Variants in FOXP2 observed in about 807,000 individuals in gnomAD.
The protein encoded by FOXP2 is forkhead box P2.
A neutral mutation model predicts 115.8 loss-of-function variants in FOXP2; 12 were observed. The ratio of observed to expected loss-of-function variants is 0.10; its 90% CI spans 0.07 to 0.17. FOXP2 has a LOEUF of 0.17. Ranked by LOEUF, FOXP2 falls within the 10% of genes least tolerant of loss-of-function variation. The pLI, the probability that FOXP2 is intolerant of heterozygous loss-of-function variation, is 1.00. For missense variants in FOXP2, 629 were observed against 843.5 expected (o/e 0.75, Z 3.15); for synonymous variants, 328 against 297.7 (o/e 1.10, Z -1.05).
intron 2 of FOXP2, among the ~76,000 whole-genome samples, chr7:114,350,916 G>GCGTATAACCT (rs1225608841): frequency 6.6e-6 from 1 of 152,054 alleles, no homozygotes; most frequent in African/African-American, 2.4e-5. Context: ...TGTAGTATTT[G>GCGTATAACCT]CGTATAACCT....
intron 1 of FOXP2, among the ~76,000 whole-genome samples, chr7:114,272,646 A>G (rs1340089083): frequency 6.6e-6 from 1 of 151,804 alleles, no homozygotes; most frequent in African/African-American, 2.4e-5. Context: ...TTAGGGTATT[A>G]AATTTCTGGG....
intron 1 of FOXP2, among the ~76,000 whole-genome samples, chr7:114,133,411 A>C (rs1791944581): frequency 6.6e-6 from 1 of 152,212 alleles, no homozygotes; most frequent in African/African-American, 2.4e-5. Context: ...GTTGAAGATA[A>C]AAATTTGTAA....
At chr7:114,562,527 G>T (rs2129291700) in intron 3 of FOXP2, among the ~76,000 whole-genome samples, 1 of 152,222 alleles carries the variant, frequency 6.6e-6, no homozygotes, top group South Asian at 2.1e-4. Context: ...TAGCATCTCT[G>T]ATTATATCCC....
In FOXP2 at chr7:114,515,569, G is replaced by GT. The variant is rs1205288634; in HGVS notation, c.169-19041dup. ...TGCCCACTTTTTGATGGGGTTGTTT[G>GT]TTTTTTTCTTGTAAATTTGTTTGAG... On this transcript the variant is annotated intron_variant, in intron 2 of 16. Transcript: ENST00000350908. Among the ~76,000 whole-genome samples, 34 of 151,984 alleles carry GT rather than the reference G, an allele frequency of 2.2e-4. No individual in the cohort carries two copies. In the East Asian group the frequency reaches 6.6e-3, roughly 29 times the overall value.
chr7:114,517,649 A>G (rs1158793496), intron 2 of FOXP2, among the ~76,000 whole-genome samples: 2 of 152,142 alleles, frequency 1.3e-5, no homozygotes, highest in Non-Finnish European at 2.9e-5. Context: ...GCATGGATTT[A>G]CTTCTAGGCC....
At chr7:114,669,192 A>C (rs1232023400) in intron 16 of FOXP2, 1 of 152,076 alleles carries the variant, frequency 6.6e-6, no homozygotes, top group Non-Finnish European at 1.5e-5. Flanking sequence ...AATTTTATTT[A>C]CATTGTTGAA....
intron 3 of FOXP2, among the ~76,000 whole-genome samples, chr7:114,557,400 T>C (rs1304859474): frequency 6.6e-6 from 1 of 152,156 alleles, no homozygotes; most frequent in Admixed American, 6.5e-5. Context: ...AGTCTGAAAA[T>C]CGCATTAAGA....
chr7:114,220,908 T>G (rs755976399), intron 1 of FOXP2, among the ~76,000 whole-genome samples: 1 of 152,188 alleles, frequency 6.6e-6, no homozygotes, highest in Non-Finnish European at 1.5e-5. Context: ...AAATTCTAAA[T>G]AAAATTGGTG....
intron 2 of FOXP2, among the ~76,000 whole-genome samples, chr7:114,484,569 C>T (rs962129510): frequency 4.6e-5 from 7 of 151,656 alleles, no homozygotes; most frequent in Non-Finnish European, 7.4e-5. Flanking sequence ...TCTTTCAGAG[C>T]GGTAATAATA....
At chr7:114,272,526 G>C (rs943866897) in intron 1 of FOXP2, among the ~76,000 whole-genome samples, 1 of 151,772 alleles carries the variant, frequency 6.6e-6, no homozygotes, top group Admixed American at 6.6e-5. Flanking sequence ...TTCTATTTTG[G>C]GAGGTAATTA....
chr7:114,630,140 C>T, intron 5 of FOXP2, 135 bp downstream of exon 5: 2 of 1,493,580 alleles, frequency 1.3e-6, no homozygotes, highest in East Asian at 2.3e-5. Flanking sequence ...TTTTACTGAG[C>T]TTAGTAACAG....
chr7:114,487,884 G>A (rs1796865498), intron 2 of FOXP2, among the ~76,000 whole-genome samples: 2 of 152,046 alleles, frequency 1.3e-5, no homozygotes, highest in Non-Finnish European at 2.9e-5. Flanking sequence ...ACATTTTCCT[G>A]TCTTCTGAGC....
chr7:114,524,773 A>G (rs1798784793), intron 2 of FOXP2, among the ~76,000 whole-genome samples: 1 of 152,032 alleles, frequency 6.6e-6, no homozygotes, highest in African/African-American at 2.4e-5. Context: ...GTACATTTCT[A>G]CATTGCGACG....
chr7:114,123,908 C>T (rs1011513333), intron 1 of FOXP2, among the ~76,000 whole-genome samples: 17 of 152,086 alleles, frequency 1.1e-4, no homozygotes, highest in Admixed American at 5.2e-4. Flanking sequence ...CCATGCTTCT[C>T]GGAAGTTTAC....
At chr7:114,393,706 T>A (rs1792666393) in intron 2 of FOXP2, among the ~76,000 whole-genome samples, 1 of 151,832 alleles carries the variant, frequency 6.6e-6, no homozygotes, top group Non-Finnish European at 1.5e-5. Flanking sequence ...GGAACCCAGG[T>A]TGAGAGAAGA....
intron 2 of FOXP2, among the ~76,000 whole-genome samples, chr7:114,486,887 T>G (rs528841372): frequency 6.6e-6 from 1 of 152,308 alleles, no homozygotes; most frequent in South Asian, 2.1e-4. Flanking sequence ...CTTTGCAGGG[T>G]ACAGCCCCCA....
At chr7:114,566,164 C>G (rs1402509042) in intron 3 of FOXP2, among the ~76,000 whole-genome samples, 2 of 152,108 alleles carry the variant, frequency 1.3e-5, no homozygotes, top group African/African-American at 4.8e-5. Flanking sequence ...GGCAGAAAGG[C>G]AAATCAACCA....
intron 1 of FOXP2, among the ~76,000 whole-genome samples, chr7:114,268,514 A>G (rs1795954857): frequency 6.6e-6 from 1 of 152,180 alleles, no homozygotes; most frequent in South Asian, 2.1e-4. Flanking sequence ...CTTCTTTAGG[A>G]AAGATAGAGT....
rs767720297 is a variant in FOXP2, at chr7:114,448,404, G to A, written c.168+21725G>A. ...CTTTAGTTTATATTGTACCTGGGGC[G>A]CAGGCAGACTCATACAATAGCTGTA... On this transcript the variant is annotated intron_variant, in intron 2 of 16. Transcript: ENST00000350908. 1.6e-4 allele frequency among the ~76,000 whole-genome samples: 25 copies of A among 152,146 alleles called. 1 individual carries two copies. Among genetic ancestry groups the A allele is most frequent in the African/African-American group, 2.9e-4 (12 of 41,508 alleles).
Sources: gnomAD v4.1 joint callset for allele counts (sites outside exome capture counted in the v4.1 genomes callset) on GRCh38, gnomAD v4.1.1 for gene constraint, MANE v1.5 for transcripts, NCBI Gene and HGNC (gene_info 2026-07-23, HGNC 2026-07-21) for gene names.